Variants in FGF12 observed in about 807,000 individuals in gnomAD.
The protein encoded by FGF12 is fibroblast growth factor 12, also known as fibroblast growth factor 12B.
Under a neutral mutation model 23.6 loss-of-function variants are expected in FGF12, and 14 were observed. That is an observed-to-expected ratio of 0.59 (90% confidence interval 0.39 to 0.93). The LOEUF is 0.93. FGF12 is among the 40% of genes least tolerant of loss of function. The probability of loss-of-function intolerance (pLI) is 0.00; values close to 1 mark genes in which losing one functional copy is unlikely to be tolerated. For synonymous variants in FGF12, 62 were observed against 77.3 expected (o/e 0.80, Z 1.04); for missense variants, 175 against 217.8 (o/e 0.80, Z 1.24).
At chr3:192,329,299 A>G (rs1716988224) in intron 4 of FGF12, among the ~76,000 whole-genome samples, 1 of 152,196 alleles carries the variant, frequency 6.6e-6, no homozygotes, top group Non-Finnish European at 1.5e-5. Flanking sequence ...TTTAAGGAAA[A>G]TTATGAATTA....
chr3:192,498,352 C>T (rs1048107111), intron 2 of FGF12, among the ~76,000 whole-genome samples: 8 of 152,198 alleles, frequency 5.3e-5, no homozygotes, highest in African/African-American at 1.9e-4. Flanking sequence ...ATCACTAGTG[C>T]TTAAGTGAGC....
intron 2 of FGF12, among the ~76,000 whole-genome samples, chr3:192,420,594 C>A (rs2108783889): frequency 6.6e-6 from 1 of 152,144 alleles, no homozygotes. Context: ...TGGGGTGTAC[C>A]CCCTCTCTCT....
chr3:192,419,388 T>C (rs146915858), intron 2 of FGF12, among the ~76,000 whole-genome samples: 1 of 152,116 alleles, frequency 6.6e-6, no homozygotes, highest in Non-Finnish European at 1.5e-5. Flanking sequence ...TTTGAAGAAC[T>C]TGAGTATTGT....
intron 2 of FGF12, among the ~76,000 whole-genome samples, chr3:192,655,112 T>C (rs1397627893): frequency 6.6e-6 from 1 of 152,174 alleles, no homozygotes; most frequent in Non-Finnish European, 1.5e-5. Context: ...CTATTTTGTA[T>C]ATGGTGTATA....
intron 2 of FGF12, among the ~76,000 whole-genome samples, chr3:192,430,611 A>G (rs974551145): frequency 3.9e-5 from 6 of 152,238 alleles, no homozygotes; most frequent in African/African-American, 1.4e-4. Flanking sequence ...CACTCTCTAA[A>G]TAGTTACCAC....
intron 2 of FGF12, among the ~76,000 whole-genome samples, chr3:192,381,716 AAAT>A (rs962873908): frequency 6.6e-6 from 1 of 152,188 alleles, no homozygotes; most frequent in Non-Finnish European, 1.5e-5. Context: ...GAGGAGTAAA[AAAT>A]AATAACACTC....
intron 4 of FGF12, among the ~76,000 whole-genome samples, chr3:192,314,493 T>C (rs902438990): frequency 3.9e-5 from 6 of 152,132 alleles, no homozygotes; most frequent in African/African-American, 1.4e-4. Flanking sequence ...TCCCATGTTA[T>C]CTGGGGATTT....
At chr3:192,596,824 G>C (rs1487863894) in intron 2 of FGF12, among the ~76,000 whole-genome samples, 1 of 152,158 alleles carries the variant, frequency 6.6e-6, no homozygotes, top group Non-Finnish European at 1.5e-5. Flanking sequence ...TTAAAAAATA[G>C]ACTCTATTCC....
chr3:192,432,483 T>C (rs552519424), intron 2 of FGF12, among the ~76,000 whole-genome samples: 4 of 151,976 alleles, frequency 2.6e-5, no homozygotes, highest in Non-Finnish European at 5.9e-5. Flanking sequence ...GATTGTGTTG[T>C]GTAAGACCCC....
At chr3:192,325,656 T>C (rs550364781) in intron 4 of FGF12, among the ~76,000 whole-genome samples, 2 of 152,302 alleles carry the variant, frequency 1.3e-5, no homozygotes, top group East Asian at 3.9e-4. Flanking sequence ...ACTCCAGATA[T>C]GCTTGTTTTA....
At chr3:192,338,949 G>A (rs780692808) in intron 3 of FGF12, among the ~76,000 whole-genome samples, 4 of 152,092 alleles carry the variant, frequency 2.6e-5, no homozygotes, top group Non-Finnish European at 4.4e-5. Flanking sequence ...TAAGAACACT[G>A]GTTTATGTAG....
chr3:192,561,493 G>T (rs530776115), intron 2 of FGF12, among the ~76,000 whole-genome samples: 3 of 152,044 alleles, frequency 2.0e-5, no homozygotes, highest in African/African-American at 4.8e-5. Context: ...CTTCTGAGTA[G>T]CTGGGACTAC....
chr3:192,454,957 T>C (rs1722634808), intron 2 of FGF12, among the ~76,000 whole-genome samples: 1 of 152,186 alleles, frequency 6.6e-6, no homozygotes, highest in African/African-American at 2.4e-5. Context: ...TTCCACTTTC[T>C]CTAATAATTA....
At chr3:192,154,610 C>T (rs1343017639) in intron 5 of FGF12, among the ~76,000 whole-genome samples, 3 of 151,246 alleles carry the variant, frequency 2.0e-5, no homozygotes, top group African/African-American at 4.9e-5. Context: ...GGCGGTGCCT[C>T]CCAGTTAGGC....
intron 2 of FGF12, among the ~76,000 whole-genome samples, chr3:192,716,273 G>C (rs1718863182): frequency 6.6e-6 from 1 of 152,100 alleles, no homozygotes; most frequent in Non-Finnish European, 1.5e-5. Context: ...TTGTCCTTAC[G>C]ATTCTGACAT....
chr3:192,377,287 T>TG (rs1345982694), intron 2 of FGF12, among the ~76,000 whole-genome samples: 1 of 152,236 alleles, frequency 6.6e-6, no homozygotes, highest in Non-Finnish European at 1.5e-5. Context: ...TTAAGCCTGA[T>TG]GCTCACCTGT....
At chr3:192,247,839 A>T (rs910476765) in intron 4 of FGF12, among the ~76,000 whole-genome samples, 1 of 152,208 alleles carries the variant, frequency 6.6e-6, no homozygotes, top group African/African-American at 2.4e-5. Context: ...GATATTGAAA[A>T]TGAAAAGTAT....
chr3:192,258,127 G>A (rs901030218), intron 4 of FGF12, among the ~76,000 whole-genome samples: 2 of 151,854 alleles, frequency 1.3e-5, no homozygotes, highest in Non-Finnish European at 2.9e-5. Context: ...GGAAAATTTT[G>A]CATGAGGAAA....
chr3:192,272,089 T>C (rs1016211663), intron 4 of FGF12, among the ~76,000 whole-genome samples: 1 of 152,154 alleles, frequency 6.6e-6, no homozygotes, highest in African/African-American at 2.4e-5. Context: ...AAAATAATGG[T>C]GAGTCCTGGA....
Sources: gnomAD v4.1 joint callset for allele counts (sites outside exome capture counted in the v4.1 genomes callset) on GRCh38, gnomAD v4.1.1 for gene constraint, MANE v1.5 for transcripts, NCBI Gene and HGNC (gene_info 2026-07-23, HGNC 2026-07-21) for gene names.